The following FOXN3 variants were observed in gnomAD, a reference collection of about 807,000 sequenced individuals.
The protein encoded by FOXN3 is forkhead box protein N3.
Under a neutral mutation model 38.4 loss-of-function variants are expected in FOXN3, and 7 were observed. That is an observed-to-expected ratio of 0.18 (90% CI 0.10 to 0.34). The LOEUF is 0.34. Ranked by LOEUF, FOXN3 falls within the 10% of genes least tolerant of loss-of-function variation. FOXN3 has a pLI of 1.00. For synonymous variants in FOXN3, 230 were observed against 242.2 expected (o/e 0.95, Z 0.47); for missense variants, 456 against 613.4 (o/e 0.74, Z 2.71).
rs111311271 is a variant in FOXN3 at position 89,159,766 on chromosome 14, C to T, written c.*2648G>A. On this transcript the variant is annotated 3_prime_UTR_variant, in exon 6 of 6. Transcript: ENST00000557258. ...CAGGTGACAACACAAATCAAGGTGT[C>T]GCTCAGGTTCCATAGCTGTGGATGG... is the stretch of plus-strand genomic sequence containing the variant. The T allele has an allele frequency of 0.015, 2,256 of 152,338 alleles. 31 individuals carry two copies. The highest frequency in any genetic ancestry group is 0.034 in the Middle Eastern group (10 of 294). 9.4% of individuals were successfully genotyped at this position (152,338 alleles called of 1,614,324 possible). A position where few individuals can be genotyped will look rare whatever the true frequency, so the allele number is the denominator to read the frequency against.
At chr14:89,400,407 C>T (rs560645065) in intron 2 of FOXN3, among the ~76,000 whole-genome samples, 1 of 152,170 alleles carries the variant, frequency 6.6e-6, no homozygotes, top group Non-Finnish European at 1.5e-5. Context: ...GAGCTTGAAA[C>T]TCATATAGGA....
At chr14:89,363,067 G>A (rs898466990) in intron 2 of FOXN3, among the ~76,000 whole-genome samples, 10 of 152,274 alleles carry the variant, frequency 6.6e-5, no homozygotes, top group Admixed American at 2.0e-4. Flanking sequence ...TGGCCAATGG[G>A]CTGCCAGACA....
At chr14:89,289,396 A>G (rs1886791789) in intron 3 of FOXN3, among the ~76,000 whole-genome samples, 2 of 152,130 alleles carry the variant, frequency 1.3e-5, no homozygotes, top group East Asian at 1.9e-4. Flanking sequence ...AACATTAAAG[A>G]CACCATTTAG....
At chr14:89,481,316 G>C (rs1893322792) in intron 1 of FOXN3, among the ~76,000 whole-genome samples, 1 of 152,198 alleles carries the variant, frequency 6.6e-6, no homozygotes, top group Non-Finnish European at 1.5e-5. Flanking sequence ...AGGGTAGGGA[G>C]TGGTGGCAGG....
chr14:89,572,374 C>A (rs1478300158), intron 1 of FOXN3, among the ~76,000 whole-genome samples: 1 of 152,206 alleles, frequency 6.6e-6, no homozygotes, highest in East Asian at 1.9e-4. Flanking sequence ...AATGAAGTCT[C>A]ACTGTCTATT....
intron 1 of FOXN3, among the ~76,000 whole-genome samples, chr14:89,565,878 T>C (rs779373637): frequency 2.6e-5 from 4 of 152,070 alleles, no homozygotes; most frequent in Non-Finnish European, 5.9e-5. Context: ...ACGCAGAAAA[T>C]TAATACAAGG....
rs1309740529 is a variant in FOXN3 at position 89,534,030 on chromosome 14, T to C, written c.-15+84998A>G. Among the ~76,000 whole-genome samples the C allele has an allele frequency of 7.2e-5, 11 of 152,194 alleles. No homozygotes were observed. In the East Asian group the frequency reaches 1.9e-3, roughly 27 times the overall value. The stretch of plus-strand genomic sequence containing the variant: ...GTTAATCATCCCCTTCCTGGGAATT[T>C]TGCCTGACTAGAGATGTGCTTCCCC... On this transcript the variant is annotated intron_variant, in intron 1 of 6. Transcript: ENST00000345097.
chr14:89,508,368 G>A (rs1893992330), intron 1 of FOXN3, among the ~76,000 whole-genome samples: 1 of 152,132 alleles, frequency 6.6e-6, no homozygotes, highest in Non-Finnish European at 1.5e-5. Context: ...ACTCTACTAT[G>A]AGGAAAGAAC....
chr14:89,290,590 G>C (rs1219472991), intron 3 of FOXN3: 1 of 553,138 alleles, frequency 1.8e-6, no homozygotes, highest in African/African-American at 1.9e-5. Context: ...GAAATCACAA[G>C]GTCATTCCTG....
intron 3 of FOXN3, among the ~76,000 whole-genome samples, chr14:89,282,989 T>C (rs1044610436): frequency 6.6e-6 from 1 of 152,202 alleles, no homozygotes; most frequent in African/African-American, 2.4e-5. Flanking sequence ...GTGGAACTTA[T>C]CTGTACTCTA....
chr14:89,539,228 C>T (rs1310857910), intron 1 of FOXN3, among the ~76,000 whole-genome samples: 1 of 152,026 alleles, frequency 6.6e-6, no homozygotes, highest in African/African-American at 2.4e-5. Context: ...CCAATTTGTG[C>T]TTTTAAAGGC....
chr14:89,373,625 G>C (rs2140058678), intron 2 of FOXN3, among the ~76,000 whole-genome samples: 1 of 152,264 alleles, frequency 6.6e-6, no homozygotes, highest in South Asian at 2.1e-4. Flanking sequence ...TTAGCTCTAT[G>C]AAGTTAGGGG....
intron 3 of FOXN3, among the ~76,000 whole-genome samples, chr14:89,333,508 G>C (rs1888321022): frequency 6.6e-6 from 1 of 151,594 alleles, no homozygotes; most frequent in African/African-American, 2.4e-5. Context: ...GGGTGTGGTG[G>C]CTCATGCCTG....
chr14:89,162,136 C>T lies in FOXN3; in HGVS notation c.*278G>A, dbSNP rs369131306. On this transcript the variant is annotated 3_prime_UTR_variant, in exon 6 of 6. Transcript: ENST00000557258. The surrounding 1 kb of genome is among the most constrained non-coding windows in gnomAD (Gnocchi z 7.2). ...GAAGCAATGGTAATTTTGGCTTTTT[C>T]GGTTTTGTCTTCAGATAATGAAAAG... 4.4e-5 allele frequency: 12 copies of T among 274,112 alleles called. No individual in the cohort carries two copies. Among genetic ancestry groups the T allele is most frequent in the Admixed American group, 4.1e-4 (8 of 19,544 alleles). The allele number at this position is 274,112 out of a possible 1,614,324, so 17.0% of individuals were successfully genotyped here.
In FOXN3 at chr14:89,533,402, G is replaced by A. The variant is rs193174357; in HGVS notation, c.-15+85626C>T. On this transcript the variant is annotated intron_variant, in intron 1 of 6. Transcript: ENST00000345097. ...ATTCTGGCTGGGCGCGGTGGCTCACGCCTGTAATCCTAGCACTTTGGGAGA... is the reference window on the plus strand; with the variant it reads ...ATTCTGGCTGGGCGCGGTGGCTCACACCTGTAATCCTAGCACTTTGGGAGA... 3.2e-3 allele frequency among the ~76,000 whole-genome samples: 481 copies of A among 152,258 alleles called. 2 individuals carry two copies. The highest frequency in any genetic ancestry group is 0.011 in the African/African-American group (469 of 41,544).
intron 4 of FOXN3, among the ~76,000 whole-genome samples, chr14:89,214,277 G>C (rs377552267): frequency 2.0e-5 from 3 of 152,162 alleles, no homozygotes; most frequent in South Asian, 2.1e-4. Flanking sequence ...AGCTCCACCC[G>C]ATGTTGAAAG....
intron 1 of FOXN3, among the ~76,000 whole-genome samples, chr14:89,496,645 T>C (rs1893689229): frequency 1.3e-5 from 2 of 152,188 alleles, no homozygotes; most frequent in African/African-American, 2.4e-5. Context: ...TGTGGTAAAA[T>C]ACAGATGACA....
intron 4 of FOXN3, among the ~76,000 whole-genome samples, chr14:89,204,488 A>G (rs1218644321): frequency 1.7e-4 from 26 of 152,232 alleles, no homozygotes; most frequent in Admixed American, 1.7e-3. Flanking sequence ...AAAAAAATAG[A>G]AAAGCCAATC....
intron 1 of FOXN3, among the ~76,000 whole-genome samples, chr14:89,472,234 G>A (rs10141541): frequency 0.085 from 12,734 of 149,434 alleles, 576 homozygotes; most frequent in Middle Eastern, 0.12. Flanking sequence ...CAGCCTGGGC[G>A]ACAGAGTGAG....
Sources: gnomAD v4.1 joint callset for allele counts (sites outside exome capture counted in the v4.1 genomes callset) on GRCh38, gnomAD v4.1.1 for gene constraint, Gnocchi (gnomAD v3.1) non-coding constraint, MANE v1.5 for transcripts, NCBI Gene and HGNC (gene_info 2026-07-23, HGNC 2026-07-21) for gene names.